ADGRL1: variants seen among roughly 807,000 people sequenced by gnomAD.
The protein encoded by ADGRL1 is CIRL-1.
A neutral mutation model predicts 148.9 loss-of-function variants in ADGRL1; 31 were observed. The observed-to-expected ratio is 0.21, with a 90% CI of 0.16 to 0.28. ADGRL1 has a LOEUF of 0.28. Among genes scored for constraint, ADGRL1 ranks in the 10% least tolerant of loss-of-function variants. The pLI is 1.00. For synonymous variants in ADGRL1, 937 were observed against 900.3 expected, an observed-to-expected ratio of 1.04 and a Z score of -0.73; for missense variants, 1,521 against 2,058.8, an observed-to-expected ratio of 0.74 and a Z score of 5.05.
At chr19:14,166,705 TG>T (rs1970008076) in intron 4 of ADGRL1, among the ~76,000 whole-genome samples, 2 of 141,234 alleles carry the variant, frequency 1.4e-5, no homozygotes, top group African/African-American at 2.6e-5. Flanking sequence ...AAAAGAAGTA[TG>T]AGAAAAGGCC....
Position 14,159,248 on chromosome 19 carries a change from G to A in ADGRL1, c.2024-33C>T. On this transcript the variant is annotated intron_variant, in intron 10 of 22. Coordinates refer to ENST00000361434, the MANE Select transcript of ADGRL1 (RefSeq NM_014921.5). The surrounding 1 kb of genome is among the most constrained non-coding windows in gnomAD (Gnocchi z 6.0). ...GACAGGGGAAGGCAAGGCATACACAGTTGGGGTCTGTTCCCAGTCCAGGGG... is the reference window on the plus strand; with the variant it reads ...GACAGGGGAAGGCAAGGCATACACAATTGGGGTCTGTTCCCAGTCCAGGGG... 3 of 1,610,790 alleles carry A rather than the reference G, an allele frequency of 1.9e-6. No individual in the cohort carries two copies. Among genetic ancestry groups the A allele is most frequent in the Non-Finnish European group, 2.5e-6 (3 of 1,177,622 alleles).
At chr19:14,192,747 C>T (rs1386500505) in intron 1 of ADGRL1, among the ~76,000 whole-genome samples, 2 of 150,458 alleles carry the variant, frequency 1.3e-5, no homozygotes, top group Non-Finnish European at 3.0e-5. Flanking sequence ...GACGGGGTTT[C>T]GCCATATTGG....
At chr19:14,183,225 G>C (rs1971341288) in intron 2 of ADGRL1, among the ~76,000 whole-genome samples, 1 of 151,996 alleles carries the variant, frequency 6.6e-6, no homozygotes, top group Non-Finnish European at 1.5e-5. Flanking sequence ...GAGCGAGAGA[G>C]AGACAGAGAG....
Position 14,152,470 on chromosome 19 carries a change from G to A in ADGRL1, c.3521-33C>T, listed in dbSNP as rs373618919. ...AAGGATCAGAGGTCACAAGGCAGCC[G>A]GGAGCCTCCAGAGACTGAAGCCAGA... On this transcript the variant is annotated intron_variant, in intron 20 of 22. Coordinates refer to ENST00000361434, the MANE Select transcript of ADGRL1 (RefSeq NM_014921.5). This position sits in a 1 kb window ranked among gnomAD's most constrained non-coding sequence, Gnocchi z 6.1. 5.3e-5 allele frequency: 86 copies of A among 1,608,780 alleles called. No homozygotes were observed. The African/African-American group carries it at 7.7e-4, about 14-fold the overall frequency.
At chr19:14,199,579 C>A (rs1315857051) in intron 1 of ADGRL1, among the ~76,000 whole-genome samples, 1 of 151,984 alleles carries the variant, frequency 6.6e-6, no homozygotes, top group Non-Finnish European at 1.5e-5. Context: ...GCGTGTGCCA[C>A]CGTGCCCAGC....
chr19:14,185,032 C>T (rs1971497526), intron 1 of ADGRL1, among the ~76,000 whole-genome samples: 2 of 152,112 alleles, frequency 1.3e-5, no homozygotes, highest in African/African-American at 4.8e-5. Context: ...ATCTTCCTGC[C>T]TGGGCCCCCC....
At position 14,201,943 on chromosome 19, in the gene ADGRL1, C is replaced by G. The variant is rs114132653; in HGVS notation, c.-96+4042G>C. ...GGAAGCTGAGACTTTGCAGAAGGTGCCTGGGAGTAAACGTTACTGGGGAGG... is the reference window on the plus strand; with the variant it reads ...GGAAGCTGAGACTTTGCAGAAGGTGGCTGGGAGTAAACGTTACTGGGGAGG... On this transcript the variant is annotated intron_variant, in intron 1 of 22. Coordinates refer to ENST00000361434, the MANE Select transcript of ADGRL1 (RefSeq NM_014921.5). 6.1e-3 allele frequency among the ~76,000 whole-genome samples: 926 copies of G among 152,244 alleles called. 10 individuals are homozygous for G. The highest frequency in any genetic ancestry group is 0.021 in the African/African-American group (856 of 41,526).
intron 18 of ADGRL1, among the ~76,000 whole-genome samples, chr19:14,154,568 G>A (rs550503500): frequency 1.1e-4 from 17 of 152,246 alleles, no homozygotes; most frequent in African/African-American, 4.1e-4. Flanking sequence ...GGGATTACAG[G>A]CATGAGCCAC....
At chr19:14,158,122 A>G (rs2144685312) in intron 12 of ADGRL1, 70 bp from the exon 13 acceptor site, 2 of 1,499,824 alleles carry the variant, frequency 1.3e-6, no homozygotes, top group East Asian at 2.3e-5. Flanking sequence ...GACCCCCCAC[A>G]CCTGGCAACA....
At chr19:14,165,444 G>T (rs895791576) in intron 4 of ADGRL1, among the ~76,000 whole-genome samples, 2 of 152,106 alleles carry the variant, frequency 1.3e-5, no homozygotes, top group Non-Finnish European at 1.5e-5. Flanking sequence ...AGGGTGTCAG[G>T]GGGGAAAAAT....
chr19:14,158,694 A>T (rs1969024621), intron 11 of ADGRL1, 142 bp from the exon 12 acceptor site: 1 of 672,134 alleles, frequency 1.5e-6, no homozygotes. Flanking sequence ...TCCATAGCCC[A>T]GGCAGGTGGG....
chr19:14,200,308 CTG>C (rs527582074), intron 1 of ADGRL1, among the ~76,000 whole-genome samples: 21 of 152,306 alleles, frequency 1.4e-4, no homozygotes, highest in African/African-American at 4.8e-4. Context: ...CGGGAACAGA[CTG>C]TGCAGGACTC....
At chr19:14,183,268 G>C (rs547604300) in intron 2 of ADGRL1, among the ~76,000 whole-genome samples, 156 of 150,452 alleles carry the variant, frequency 1.0e-3, no homozygotes, top group African/African-American at 3.6e-3. Context: ...GGCCTGTCCT[G>C]GTCCCAGGGG....
intron 3 of ADGRL1, among the ~76,000 whole-genome samples, chr19:14,173,804 G>C (rs867349361): frequency 1.3e-5 from 2 of 151,852 alleles, no homozygotes; most frequent in Admixed American, 1.3e-4. Context: ...AAAATTAGCC[G>C]GGCGTGGTGG....
chr19:14,163,436 T>A (rs762826677), intron 4 of ADGRL1, 30 bp from the exon 5 acceptor site: 1 of 1,369,128 alleles, frequency 7.3e-7, no homozygotes, highest in Non-Finnish European at 9.5e-7. Flanking sequence ...GGGGAGGAGG[T>A]AGGAGAGAAG....
intron 1 of ADGRL1, among the ~76,000 whole-genome samples, chr19:14,184,650 T>TTTATTTA (rs1568619014): frequency 2.3e-5 from 3 of 131,264 alleles, no homozygotes; most frequent in South Asian, 2.3e-4. Flanking sequence ...TTATTTATTT[T>TTTATTTA]TTTTTCTGAG....
chr19:14,174,286 G>T (rs1165524299), intron 3 of ADGRL1, among the ~76,000 whole-genome samples: 1 of 152,230 alleles, frequency 6.6e-6, no homozygotes, highest in Non-Finnish European at 1.5e-5. Context: ...AAAGGCTAGA[G>T]CCTGGACTGG....
At chr19:14,190,195 G>A (rs920098318) in intron 1 of ADGRL1, among the ~76,000 whole-genome samples, 4 of 152,088 alleles carry the variant, frequency 2.6e-5, no homozygotes, top group Admixed American at 1.3e-4. Flanking sequence ...AAAGTGCTGC[G>A]ATTATAGGTA....
rs547090152 is a variant in ADGRL1, at chr19:14,165,233, G to A, written c.395-1827C>T. On this transcript the variant is annotated intron_variant, in intron 4 of 22. Transcript: ENST00000361434. ...GGAGCCTGGGACATAGAGCTGGGCA[G>A]GAGCCAAAACGACCCTGGCTTGGGC... Among the ~76,000 whole-genome samples the A allele has an allele frequency of 3.9e-5, 6 of 152,340 alleles. No individual in the cohort carries two copies. The South Asian group carries it at 1.2e-3, about 32-fold the overall frequency.
Sources: allele counts gnomAD v4.1 joint callset (sites outside exome capture counted in the v4.1 genomes callset), GRCh38; gene constraint gnomAD v4.1.1; non-coding constraint Gnocchi (gnomAD v3.1); transcripts MANE v1.5; gene names NCBI Gene and HGNC (gene_info 2026-07-23, HGNC 2026-07-21).